Variants in RORA observed in about 807,000 individuals in gnomAD.
RORA encodes the protein nuclear receptor ROR-alpha.
A neutral mutation model predicts 69.5 loss-of-function variants in RORA; 7 were observed. The ratio of observed to expected loss-of-function variants is 0.10; its 90% CI spans 0.06 to 0.19. RORA has a LOEUF of 0.19. Among genes scored for constraint, RORA ranks in the 10% least tolerant of loss-of-function variants. The probability of loss-of-function intolerance (pLI) is 1.00; values close to 1 mark genes in which losing one functional copy is unlikely to be tolerated. For synonymous variants in RORA, 261 were observed against 240.8 expected (o/e 1.08, Z -0.78); for missense variants, 457 against 663.0 (o/e 0.69, Z 3.41).
chr15:60,903,659 A>G (rs376571637), intron 1 of RORA, among the ~76,000 whole-genome samples: 62 of 152,324 alleles, frequency 4.1e-4, no homozygotes, highest in African/African-American at 1.4e-3. Flanking sequence ...TGCTAGCCCA[A>G]CATAAATTCA....
intron 1 of RORA, among the ~76,000 whole-genome samples, chr15:60,821,620 C>T (rs796508798): frequency 3.9e-5 from 6 of 152,328 alleles, no homozygotes; most frequent in African/African-American, 1.4e-4. Flanking sequence ...GTTGTAAGCT[C>T]TATGATGCCA....
Position 60,496,435 on chromosome 15 carries a change from G to T in RORA, c.*1020C>A, listed in dbSNP as rs952372509. 1 of 151,846 alleles carries T rather than the reference G, an allele frequency of 6.6e-6. No individual in the cohort carries two copies. Among genetic ancestry groups the T allele is most frequent in the African/African-American group, 2.4e-5 (1 of 41,316 alleles). 9.4% of individuals were successfully genotyped at this position (151,846 alleles called of 1,614,324 possible). ...TTCTCCTCCCCCTCGCCTCCATGAG[G>T]TGGCATTTTAAAAAGCTTTAAAAAA... On this transcript the variant is annotated 3_prime_UTR_variant, in exon 11 of 11. Transcript: ENST00000335670. The surrounding 1 kb of genome is among the most constrained non-coding windows in gnomAD (Gnocchi z 4.5).
chr15:60,746,715 A>C (rs1385722382), intron 1 of RORA, among the ~76,000 whole-genome samples: 1 of 152,232 alleles, frequency 6.6e-6, no homozygotes, highest in Non-Finnish European at 1.5e-5. Flanking sequence ...GTGGACAGAC[A>C]AGATGAACTA....
intron 1 of RORA, among the ~76,000 whole-genome samples, chr15:61,121,726 A>G (rs1200045069): frequency 6.6e-6 from 1 of 152,084 alleles, no homozygotes; most frequent in Non-Finnish European, 1.5e-5. Context: ...GGAACAGGAG[A>G]AACTGCACAA....
intron 3 of RORA, among the ~76,000 whole-genome samples, chr15:60,526,970 G>T (rs2066378738): frequency 6.6e-6 from 1 of 152,176 alleles, no homozygotes; most frequent in African/African-American, 2.4e-5. Flanking sequence ...TATTGTTTAA[G>T]AAAATATATT....
chr15:60,573,747 C>G (rs1008132396), intron 2 of RORA, among the ~76,000 whole-genome samples: 2 of 152,264 alleles, frequency 1.3e-5, no homozygotes, highest in Non-Finnish European at 2.9e-5. Context: ...TAAGCCTTCA[C>G]TTCTTCCAAA....
chr15:60,588,051 T>G (rs766908459), intron 2 of RORA, among the ~76,000 whole-genome samples: 2 of 152,180 alleles, frequency 1.3e-5, no homozygotes, highest in African/African-American at 4.8e-5. Flanking sequence ...TTATCTTCAG[T>G]AGAATAGCTA....
chr15:60,599,529 C>T (rs1596039499), intron 2 of RORA, among the ~76,000 whole-genome samples: 2 of 151,988 alleles, frequency 1.3e-5, no homozygotes, highest in South Asian at 2.1e-4. Flanking sequence ...CCAGCCTGGG[C>T]GACAGAGCAA....
chr15:61,095,131 T>G (rs1445429971), intron 1 of RORA, among the ~76,000 whole-genome samples: 4 of 152,184 alleles, frequency 2.6e-5, no homozygotes, highest in African/African-American at 4.8e-5. Flanking sequence ...AAAGCTGTAA[T>G]CAGGGAAGGC....
chr15:61,171,163 C>A (rs2140893486), intron 1 of RORA, among the ~76,000 whole-genome samples: 1 of 152,262 alleles, frequency 6.6e-6, no homozygotes, highest in Admixed American at 6.5e-5. Flanking sequence ...CCAGACCTGC[C>A]CCACGGGCAG....
At chr15:60,585,692 A>G (rs2068314703) in intron 2 of RORA, among the ~76,000 whole-genome samples, 1 of 152,230 alleles carries the variant, frequency 6.6e-6, no homozygotes, top group Non-Finnish European at 1.5e-5. Flanking sequence ...TCACAAACCA[A>G]ATTTCACTTA....
intron 1 of RORA, among the ~76,000 whole-genome samples, chr15:61,159,732 G>A (rs941582585): frequency 6.6e-6 from 1 of 152,190 alleles, no homozygotes; most frequent in African/African-American, 2.4e-5. Flanking sequence ...CAATGGCAAC[G>A]AGGTGTGCAT....
chr15:60,648,642 T>G (rs1273159190), intron 2 of RORA, among the ~76,000 whole-genome samples: 1 of 152,242 alleles, frequency 6.6e-6, no homozygotes, highest in African/African-American at 2.4e-5. Flanking sequence ...AATCTGATCT[T>G]AACAATCCTC....
At chr15:60,705,644 C>T (rs1309075274) in intron 1 of RORA, among the ~76,000 whole-genome samples, 1 of 152,168 alleles carries the variant, frequency 6.6e-6, no homozygotes, top group Admixed American at 6.5e-5. Context: ...TAAAAACAAG[C>T]TTCTGAAGTT....
chr15:60,708,341 G>A lies in RORA; in HGVS notation c.167-29655C>T, dbSNP rs528741395. 1.2e-4 allele frequency among the ~76,000 whole-genome samples: 18 copies of A among 150,740 alleles called. No homozygotes were observed. The South Asian group carries it at 3.3e-3, about 28-fold the overall frequency. On this transcript the variant is annotated intron_variant, in intron 1 of 10. Transcript: ENST00000335670. ...GGAGGCTGAGACAGGAGAATCGCTT[G>A]AATCCAGGAGGCGGAGGTTGCAATG... is the stretch of plus-strand genomic sequence containing the variant.
intron 2 of RORA, among the ~76,000 whole-genome samples, chr15:60,590,534 C>G (rs545162508): frequency 6.6e-6 from 1 of 152,112 alleles, no homozygotes; most frequent in African/African-American, 2.4e-5. Flanking sequence ...CCAATCAACA[C>G]AAAGTATATT....
At chr15:61,096,305 G>A (rs4775359) in intron 1 of RORA, among the ~76,000 whole-genome samples, 25,002 of 152,028 alleles carry the variant, frequency 0.16, 3,035 homozygotes, top group African/African-American at 0.33. Context: ...GTGTGCTCTG[G>A]TATAAGTTCA....
chr15:60,904,735 C>T (rs779945842), intron 1 of RORA, among the ~76,000 whole-genome samples: 24 of 152,278 alleles, frequency 1.6e-4, no homozygotes, highest in South Asian at 8.3e-4. Context: ...AGACAGAAAA[C>T]GTTTTCCTCA....
At chr15:60,876,304 C>G (rs1258634796) in intron 1 of RORA, among the ~76,000 whole-genome samples, 1 of 29,458 alleles carries the variant, frequency 3.4e-5, no homozygotes, top group Non-Finnish European at 6.9e-5. Flanking sequence ...TGGGCTCTTA[C>G]AGGAAGTGGG....
Sources: allele counts gnomAD v4.1 joint callset (sites outside exome capture counted in the v4.1 genomes callset), GRCh38; gene constraint gnomAD v4.1.1; non-coding constraint Gnocchi (gnomAD v3.1); transcripts MANE v1.5; gene names NCBI Gene and HGNC (gene_info 2026-07-23, HGNC 2026-07-21).